The following ABLIM3 variants were observed in gnomAD, a reference collection of about 807,000 sequenced individuals.
ABLIM3 encodes the protein actin-binding LIM protein 3.
A neutral mutation model predicts 109.5 loss-of-function variants in ABLIM3; 61 were observed. The observed-to-expected ratio is 0.56, with a 90% CI of 0.45 to 0.69. The LOEUF is 0.69. Ranked by LOEUF, ABLIM3 falls within the 30% of genes least tolerant of loss-of-function variation. The probability of loss-of-function intolerance (pLI) is 0.00; values close to 1 mark genes in which losing one functional copy is unlikely to be tolerated. For synonymous variants in ABLIM3, 300 were observed against 324.8 expected, an observed-to-expected ratio of 0.92 and a Z score of 0.82; for missense variants, 796 against 889.5, an observed-to-expected ratio of 0.89 and a Z score of 1.34.
Position 149,252,268 on chromosome 5 carries a change from A to T in ABLIM3, c.1857+60A>T, listed in dbSNP as rs999899198. On this transcript the variant is annotated intron_variant, in intron 22 of 23. Transcript: ENST00000309868. ...GATTCTTGGAGCCGCTACACTGGGG[A>T]TCACCAGGAGGATGACAGCACTGTC... The T allele has an allele frequency of 5.0e-6, 8 of 1,592,430 alleles. No homozygotes were observed. In the African/African-American group the frequency reaches 1.1e-4, roughly 21 times the overall value.
At chr5:149,237,662 C>T in intron 11 of ABLIM3, 59 bp downstream of exon 11, 2 of 1,597,516 alleles carry the variant, frequency 1.3e-6, no homozygotes, top group Non-Finnish European at 1.7e-6. Flanking sequence ...GCTCTGGGGT[C>T]CCCAGCCCTC....
intron 2 of ABLIM3, among the ~76,000 whole-genome samples, chr5:149,158,550 T>A (rs1043453506): frequency 1.3e-5 from 2 of 152,172 alleles, no homozygotes; most frequent in Non-Finnish European, 2.9e-5. Flanking sequence ...ATGCAAGTTA[T>A]GCCACAATAA....
chr5:149,214,640 C>A (rs1011815166), intron 7 of ABLIM3, among the ~76,000 whole-genome samples: 2 of 152,328 alleles, frequency 1.3e-5, no homozygotes, highest in South Asian at 2.1e-4. Context: ...CATGCAGGAA[C>A]AACAGTCGCC....
chr5:149,249,339 A>G (rs1753716489), intron 18 of ABLIM3, among the ~76,000 whole-genome samples: 1 of 152,256 alleles, frequency 6.6e-6, no homozygotes, highest in South Asian at 2.1e-4. Flanking sequence ...ATTCTTCACA[A>G]TAATCCTACA....
intron 6 of ABLIM3, among the ~76,000 whole-genome samples, chr5:149,208,233 T>A (rs901591816): frequency 4.6e-5 from 7 of 152,148 alleles, no homozygotes; most frequent in Admixed American, 2.0e-4. Context: ...TAGGAGTTTA[T>A]TAACTCACAG....
At chr5:149,167,663 T>C (rs946369757) in intron 2 of ABLIM3, among the ~76,000 whole-genome samples, 1 of 152,228 alleles carries the variant, frequency 6.6e-6, no homozygotes, top group African/African-American at 2.4e-5. Flanking sequence ...CTAGGTATTA[T>C]GCTCAGAATT....
In ABLIM3 at chr5:149,189,587, C is replaced by A. The variant is rs561327420; in HGVS notation, c.151+5998C>A. On this transcript the variant is annotated intron_variant, in intron 3 of 23. Coordinates refer to ENST00000309868, the MANE Select transcript of ABLIM3 (RefSeq NM_014945.5). ...TATACAGAGAAGTTATACAAATGTC[C>A]AATAAGCACATGAAAAAATGCTCGA... Among the ~76,000 whole-genome samples, 65 of 152,104 alleles carry A rather than the reference C, an allele frequency of 4.3e-4. 2 individuals are homozygous for A. The South Asian group carries it at 0.012, about 29-fold the overall frequency.
chr5:149,223,496 A>G (rs1760871473), intron 8 of ABLIM3, among the ~76,000 whole-genome samples: 1 of 152,224 alleles, frequency 6.6e-6, no homozygotes, highest in African/African-American at 2.4e-5. Context: ...AAGCTATGTT[A>G]GGCAAAAGAA....
chr5:149,160,816 A>G (rs1317253678), intron 2 of ABLIM3, among the ~76,000 whole-genome samples: 1 of 152,206 alleles, frequency 6.6e-6, no homozygotes, highest in Non-Finnish European at 1.5e-5. Context: ...CCAGGCTGGG[A>G]AGAATCTGAA....
At chr5:149,160,709 G>A (rs1281405362) in intron 2 of ABLIM3, among the ~76,000 whole-genome samples, 1 of 152,166 alleles carries the variant, frequency 6.6e-6, no homozygotes, top group Admixed American at 6.5e-5. Flanking sequence ...AAAGGCTTAG[G>A]ACATCCTGTG....
chr5:149,193,652 G>A (rs1757706257), intron 3 of ABLIM3, among the ~76,000 whole-genome samples: 1 of 152,058 alleles, frequency 6.6e-6, no homozygotes, highest in Non-Finnish European at 1.5e-5. Flanking sequence ...AATAATCAAA[G>A]CATTCCTAAA....
intron 2 of ABLIM3, among the ~76,000 whole-genome samples, chr5:149,158,292 G>C (rs538464657): frequency 5.9e-5 from 9 of 152,304 alleles, no homozygotes; most frequent in African/African-American, 2.2e-4. Flanking sequence ...TATTGCTGGA[G>C]CTTACAAATC....
chr5:149,227,070 C>CA (rs70973514), intron 8 of ABLIM3, among the ~76,000 whole-genome samples: 2,326 of 95,672 alleles, frequency 0.024, 57 homozygotes, highest in African/African-American at 0.06. Flanking sequence ...AACTCCATCT[C>CA]AAAAAAAAAA....
intron 8 of ABLIM3, among the ~76,000 whole-genome samples, chr5:149,225,380 G>A (rs757914919): frequency 8.5e-5 from 13 of 152,108 alleles, no homozygotes; most frequent in South Asian, 6.2e-4. Context: ...TGCCAATTTT[G>A]TATAGCTCTT....
At chr5:149,212,589 C>T (rs753712477) in intron 7 of ABLIM3, among the ~76,000 whole-genome samples, 5 of 152,146 alleles carry the variant, frequency 3.3e-5, no homozygotes, top group Non-Finnish European at 5.9e-5. Context: ...GTGCCCAGCC[C>T]TATGGAAGTA....
At chr5:149,163,392 A>G (rs1256475988) in intron 2 of ABLIM3, among the ~76,000 whole-genome samples, 1 of 144,614 alleles carries the variant, frequency 6.9e-6, no homozygotes, top group African/African-American at 2.6e-5. Context: ...ATAATTATTT[A>G]CAGTCTATCT....
chr5:149,189,277 C>A (rs1757259902), intron 3 of ABLIM3, among the ~76,000 whole-genome samples: 1 of 152,068 alleles, frequency 6.6e-6, no homozygotes, highest in Admixed American at 6.5e-5. Context: ...AAGAATAAAT[C>A]ATTGTGATCT....
intron 3 of ABLIM3, among the ~76,000 whole-genome samples, chr5:149,195,413 G>C (rs772054325): frequency 3.3e-5 from 5 of 152,188 alleles, no homozygotes; most frequent in Non-Finnish European, 7.3e-5. Context: ...TGCTGGTCCA[G>C]CTTGCCTTCC....
In ABLIM3 at chr5:149,259,930, A is replaced by T. The variant is rs1754760292; in HGVS notation, c.*1526A>T. The T allele has an allele frequency of 1.2e-4, 26 of 225,732 alleles. No individual in the cohort carries two copies. Among genetic ancestry groups the T allele is most frequent in the East Asian group, 3.2e-4 (3 of 9,414 alleles). The allele number at this position is 225,732 out of a possible 1,614,324, so 14.0% of individuals were successfully genotyped here. A position where few individuals can be genotyped will look rare whatever the true frequency, so the allele number is the denominator to read the frequency against. Reference sequence around the variant, plus strand: ...CTGAATACTGAGCACTGAATGGGGGAGGGGGAGGGGAGCACGGGGTGAGTC... The same window carrying T: ...CTGAATACTGAGCACTGAATGGGGGTGGGGGAGGGGAGCACGGGGTGAGTC... On this transcript the variant is annotated 3_prime_UTR_variant, in exon 24 of 24. Transcript: ENST00000309868.
Sources: allele counts gnomAD v4.1 joint callset (sites outside exome capture counted in the v4.1 genomes callset), GRCh38; gene constraint gnomAD v4.1.1; transcripts MANE v1.5; gene names NCBI Gene and HGNC (gene_info 2026-07-23, HGNC 2026-07-21).